AHCYL2: variants seen among roughly 807,000 people sequenced by gnomAD.
The protein encoded by AHCYL2 is adenosylhomocysteinase like 2, also known as S-adenosylhomocysteine hydrolase-like protein 2.
Under a neutral mutation model 81.4 loss-of-function variants are expected in AHCYL2, and 28 were observed. That is an observed-to-expected ratio of 0.34 (90% CI 0.25 to 0.47). AHCYL2 has a LOEUF of 0.47. Among genes scored for constraint, AHCYL2 ranks in the 20% least tolerant of loss-of-function variants. The pLI, the probability that AHCYL2 is intolerant of heterozygous loss-of-function variation, is 1.00. For synonymous variants in AHCYL2, 272 were observed against 290.2 expected, an observed-to-expected ratio of 0.94 and a Z score of 0.64; for missense variants, 551 against 785.1, an observed-to-expected ratio of 0.70 and a Z score of 3.56.
intron 1 of AHCYL2, among the ~76,000 whole-genome samples, chr7:129,260,270 T>C (rs988217224): frequency 2.6e-5 from 4 of 152,204 alleles, no homozygotes; most frequent in African/African-American, 9.7e-5. Flanking sequence ...TTTGTTGGCT[T>C]AGTCTTCAAC....
chr7:129,348,945 A>G (rs1793455374), intron 1 of AHCYL2, among the ~76,000 whole-genome samples: 1 of 152,178 alleles, frequency 6.6e-6, no homozygotes, highest in Non-Finnish European at 1.5e-5. Flanking sequence ...GTTAAAACAC[A>G]CTAACCTAAG....
At chr7:129,360,084 G>A (rs928293990) in intron 1 of AHCYL2, among the ~76,000 whole-genome samples, 1 of 150,398 alleles carries the variant, frequency 6.6e-6, no homozygotes, top group Non-Finnish European at 1.5e-5. Flanking sequence ...TTTAGGCTTT[G>A]CCCTGAGCTA....
At position 129,406,742 on chromosome 7, in the gene AHCYL2, C is replaced by T. The variant is rs1475941094; in HGVS notation, c.1295+276C>T. The stretch of plus-strand genomic sequence containing the variant: ...TACCTTCTCCATGTATGATACTTGC[C>T]TTTCAAATAATGATCAGAAAAGAAA... On this transcript the variant is annotated intron_variant, in intron 10 of 16. Coordinates refer to ENST00000325006, the MANE Select transcript of AHCYL2 (RefSeq NM_015328.4). This position sits in a 1 kb window ranked among gnomAD's most constrained non-coding sequence, Gnocchi z 4.3. Among the ~76,000 whole-genome samples the T allele has an allele frequency of 6.6e-6, 1 of 152,174 alleles. No individual in the cohort carries two copies. The highest frequency in any genetic ancestry group is 1.5e-5 in the Non-Finnish European group (1 of 68,048).
At chr7:129,342,841 G>A (rs2150818462) in intron 1 of AHCYL2, among the ~76,000 whole-genome samples, 1 of 152,118 alleles carries the variant, frequency 6.6e-6, no homozygotes, top group Non-Finnish European at 1.5e-5. Flanking sequence ...GAAAAATTTG[G>A]CATATATGTA....
At chr7:129,249,817 T>C (rs951494772) in intron 1 of AHCYL2, among the ~76,000 whole-genome samples, 21 of 152,252 alleles carry the variant, frequency 1.4e-4, no homozygotes, top group Non-Finnish European at 2.9e-5. Flanking sequence ...GGGTACCTTT[T>C]CTTTTTCCTT....
chr7:129,276,729 A>G (rs1450606055), intron 1 of AHCYL2, among the ~76,000 whole-genome samples: 2 of 100,982 alleles, frequency 2.0e-5, no homozygotes, highest in African/African-American at 6.7e-5. Flanking sequence ...AGCCTGGGCA[A>G]CTGTCTCAAA....
intron 11 of AHCYL2, among the ~76,000 whole-genome samples, chr7:129,412,923 C>T (rs1207453022): frequency 2.0e-5 from 3 of 152,094 alleles, no homozygotes; most frequent in South Asian, 2.1e-4. Flanking sequence ...ACTGCAGCCC[C>T]GACCTATGGG....
intron 1 of AHCYL2, among the ~76,000 whole-genome samples, chr7:129,271,054 A>G (rs1459954080): frequency 6.6e-6 from 1 of 152,006 alleles, no homozygotes; most frequent in East Asian, 1.9e-4. Flanking sequence ...TCTCACAGCT[A>G]AAGGTGCTCT....
At chr7:129,369,309 T>A (rs1220014385) in intron 1 of AHCYL2, among the ~76,000 whole-genome samples, 1 of 152,252 alleles carries the variant, frequency 6.6e-6, no homozygotes, top group African/African-American at 2.4e-5. Flanking sequence ...TTTACAGATT[T>A]GTGTTTCCCC....
intron 1 of AHCYL2, among the ~76,000 whole-genome samples, chr7:129,291,514 C>CT (rs34719441): frequency 0.26 from 34,018 of 133,052 alleles, 4,783 homozygotes; most frequent in Non-Finnish European, 0.33. Context: ...TACCCGAGAC[C>CT]TTTTTTTTTT....
chr7:129,388,842 C>T, intron 2 of AHCYL2: 1 of 481,440 alleles, frequency 2.1e-6, no homozygotes, highest in Non-Finnish European at 3.6e-6. Flanking sequence ...AAAGTTAGCC[C>T]TACATTTCAA....
chr7:129,230,574 T>A (rs1794393469), intron 1 of AHCYL2, among the ~76,000 whole-genome samples: 1 of 139,766 alleles, frequency 7.2e-6, no homozygotes, highest in Non-Finnish European at 1.6e-5. Flanking sequence ...CTTCTAAATC[T>A]TTTTTTTTTT....
chr7:129,266,563 C>A (rs1477947089), intron 1 of AHCYL2, among the ~76,000 whole-genome samples: 1 of 152,054 alleles, frequency 6.6e-6, no homozygotes, highest in Non-Finnish European at 1.5e-5. Context: ...CTTGGGAGAA[C>A]CCTGAACTAA....
At chr7:129,321,772 G>GTTTTTTTTTTTTTTTTTTTTTTTTTTT (rs1217148394) in intron 1 of AHCYL2, among the ~76,000 whole-genome samples, 6 of 114,416 alleles carry the variant, frequency 5.2e-5, no homozygotes, top group Non-Finnish European at 8.8e-5. Context: ...TTTGGTCTTG[G>GTTTTTTTTTTTTTTTTTTTTTTTTTTT]TTTTGTTTTT....
chr7:129,368,436 A>G lies in AHCYL2; in HGVS notation c.364-11202A>G. On this transcript the variant is annotated intron_variant, in intron 1 of 16. Transcript: ENST00000325006. The surrounding 1 kb of genome is among the most constrained non-coding windows in gnomAD (Gnocchi z 4.4). The stretch of plus-strand genomic sequence containing the variant: ...TGCTTTGGGGCACTCAGATAACCCC[A>G]GTATTTCCAAACCAGCTTTCCCTTT... 5.0e-6 allele frequency: 8 copies of G among 1,613,674 alleles called. No individual in the cohort carries two copies. The highest frequency in any genetic ancestry group is 6.8e-6 in the Non-Finnish European group (8 of 1,179,704).
intron 1 of AHCYL2, among the ~76,000 whole-genome samples, chr7:129,233,633 A>G (rs1315897119): frequency 1.3e-5 from 2 of 151,954 alleles, no homozygotes; most frequent in Non-Finnish European, 2.9e-5. Context: ...GACTACAGGC[A>G]CGCACTACCA....
In AHCYL2 at chr7:129,426,301, C is replaced by A. The variant is rs1003066990; in HGVS notation, c.1709-142C>A. On this transcript the variant is annotated intron_variant, in intron 15 of 16. Transcript: ENST00000325006. The surrounding 1 kb of genome is among the most constrained non-coding windows in gnomAD (Gnocchi z 4.3). ...GCAGCTATTCCTTAGAATTGAGGACCAGTGAGCGAAGGTTGAACATTTTTC... is the reference window on the plus strand; with the variant it reads ...GCAGCTATTCCTTAGAATTGAGGACAAGTGAGCGAAGGTTGAACATTTTTC... 8.1e-6 allele frequency: 10 copies of A among 1,230,246 alleles called. No homozygotes were observed. In the East Asian group the frequency reaches 9.3e-5, roughly 11 times the overall value. 76.2% of individuals were successfully genotyped at this position (1,230,246 alleles called of 1,614,324 possible). A position where few individuals can be genotyped will look rare whatever the true frequency, so the allele number is the denominator to read the frequency against.
intron 1 of AHCYL2, among the ~76,000 whole-genome samples, chr7:129,376,795 A>C (rs1794708960): frequency 6.6e-6 from 1 of 152,190 alleles, no homozygotes; most frequent in Non-Finnish European, 1.5e-5. Flanking sequence ...TAAAGGGGAC[A>C]CTGGAAAAGT....
chr7:129,306,561 C>T (rs568734578), intron 1 of AHCYL2, among the ~76,000 whole-genome samples: 1 of 149,898 alleles, frequency 6.7e-6, no homozygotes, highest in South Asian at 2.1e-4. Context: ...TGAAAGGTCA[C>T]ATATCTCTGT....
Sources: allele counts gnomAD v4.1 joint callset (sites outside exome capture counted in the v4.1 genomes callset), GRCh38; gene constraint gnomAD v4.1.1; non-coding constraint Gnocchi (gnomAD v3.1); transcripts MANE v1.5; gene names NCBI Gene and HGNC (gene_info 2026-07-23, HGNC 2026-07-21).